STYXL1: variants seen among roughly 807,000 people sequenced by gnomAD.
The protein encoded by STYXL1 is serine/threonine/tyrosine-interacting-like protein 1.
Under a neutral mutation model 36.4 loss-of-function variants are expected in STYXL1, and 32 were observed. The ratio of observed to expected loss-of-function variants is 0.88; its 90% CI spans 0.66 to 1.18. The LOEUF is 1.18. Ranked by LOEUF, STYXL1 falls within the 50% of genes most tolerant of loss-of-function variation. The probability of loss-of-function intolerance (pLI) is 0.00; values close to 1 mark genes in which losing one functional copy is unlikely to be tolerated. For missense variants in STYXL1, 354 were observed against 394.1 expected (o/e 0.90, Z 0.86); for synonymous variants, 133 against 144.1 (o/e 0.92, Z 0.55).
intron 1 of STYXL1, among the ~76,000 whole-genome samples, chr7:76,039,351 C>T (rs1225519806): frequency 6.6e-6 from 1 of 151,934 alleles, no homozygotes; most frequent in Non-Finnish European, 1.5e-5. Flanking sequence ...GGTGGGATTA[C>T]AGGCGTGAGC....
intron 6 of STYXL1, among the ~76,000 whole-genome samples, chr7:76,004,874 G>T (rs560206288): frequency 6.7e-6 from 1 of 149,106 alleles, no homozygotes; most frequent in Non-Finnish European, 1.5e-5. Context: ...GGTGGCGGGC[G>T]CCTGTAGTCC....
At chr7:76,011,051 C>CA (rs1792495537) in intron 5 of STYXL1, among the ~76,000 whole-genome samples, 1 of 152,002 alleles carries the variant, frequency 6.6e-6, no homozygotes, top group Admixed American at 6.6e-5. Flanking sequence ...CCTGTATCTG[C>CA]AAAAAATTTT....
intron 1 of STYXL1, among the ~76,000 whole-genome samples, chr7:76,046,325 TGTGTGTGTGTGTGTGC>T (rs1465176372): frequency 0.013 from 242 of 18,670 alleles, 1 homozygote; most frequent in Admixed American, 0.026. Context: ...TGTGTGTGTG[TGTGTGTGTGTGTGTGC>T]GCGCGCGCGC....
At chr7:76,001,926 C>T (rs1790992626) in intron 7 of STYXL1, among the ~76,000 whole-genome samples, 1 of 151,022 alleles carries the variant, frequency 6.6e-6, no homozygotes. Context: ...AGGTAAGAAC[C>T]ACTGTGCCCA....
chr7:76,041,528 G>A (rs1440445082), intron 1 of STYXL1, among the ~76,000 whole-genome samples: 3 of 152,142 alleles, frequency 2.0e-5, no homozygotes, highest in Non-Finnish European at 4.4e-5. Flanking sequence ...GTTCTTGAGA[G>A]CAGGTTGTTA....
chr7:76,043,348 C>T (rs1312755764), intron 1 of STYXL1, among the ~76,000 whole-genome samples: 1 of 151,812 alleles, frequency 6.6e-6, no homozygotes, highest in South Asian at 2.1e-4. Context: ...CCATGTTGGG[C>T]AGGCTGGTCT....
chr7:76,005,866 G>GCC (rs1791641892), intron 5 of STYXL1, among the ~76,000 whole-genome samples: 1 of 113,980 alleles, frequency 8.8e-6, no homozygotes, highest in East Asian at 2.3e-4. Context: ...GAGAGAGGAG[G>GCC]AAGAGAGAGG....
intron 1 of STYXL1, among the ~76,000 whole-genome samples, chr7:76,037,708 A>C (rs1370367365): frequency 6.7e-6 from 1 of 149,662 alleles, no homozygotes; most frequent in Non-Finnish European, 1.5e-5. Flanking sequence ...CTAACCCCCA[A>C]GACAGTCCAG....
chr7:76,005,288 A>C lies in STYXL1; in HGVS notation c.570T>G (p.His190Gln). The C allele has an allele frequency of 1.9e-6, 3 of 1,610,606 alleles. No homozygotes were observed. The South Asian group carries it at 3.3e-5, about 18-fold the overall frequency. Residue 190 changes from histidine to glutamine, a missense_variant, in exon 6 of 9, where the codon CAT (histidine) becomes CAG (glutamine). His to Gln is a conservative substitution (Grantham distance 24, BLOSUM62 0). Coordinates refer to ENST00000359697, the MANE Select transcript of STYXL1 (RefSeq NM_001317785.2). Reference protein sequence around the residue: ...KIQKDLKIKAHVNVSMDTGPF... With the variant: ...KIQKDLKIKAQVNVSMDTGPF... ...GCCCTGTATCCATGGAGACATTGAC[A>C]TGGGCTTTGATTTTCAAGTCCTTCT...
intron 1 of STYXL1, among the ~76,000 whole-genome samples, chr7:76,034,692 T>C (rs1554580344): frequency 1.3e-5 from 2 of 152,224 alleles, no homozygotes; most frequent in South Asian, 2.1e-4. Context: ...TGCACTGCTA[T>C]GTTGAGTGGC....
chr7:76,004,845 CA>C (rs1428541418), intron 6 of STYXL1, among the ~76,000 whole-genome samples: 1 of 151,186 alleles, frequency 6.6e-6, no homozygotes, highest in Admixed American at 6.6e-5. Flanking sequence ...ACTAAAAATA[CA>C]AAAAACTAGC....
chr7:75,998,383 C>T (rs888441974), intron 8 of STYXL1, among the ~76,000 whole-genome samples: 2 of 152,092 alleles, frequency 1.3e-5, no homozygotes, highest in South Asian at 2.1e-4. Flanking sequence ...CTGCAACCTC[C>T]GCCTCCTGGG....
In STYXL1 at chr7:76,046,319, TGTGTGTGTGTGTGTGTGTGTGCGC is replaced by T. The variant is rs1484983920; in HGVS notation, c.-5+1319_-5+1342del. On this transcript the variant is annotated intron_variant, in intron 1 of 8. Transcript: ENST00000359697. ...GTGTGTGTGTGTGTGTGTGTGTGTGTGTGTGTGTGTGTGTGTGTGTGCGCGCGCGCGCGCGCGCGCTTTTGAGCC... is the reference window on the plus strand; with the variant it reads ...GTGTGTGTGTGTGTGTGTGTGTGTGTGCGCGCGCGCGCGCGCTTTTGAGCC... Among the ~76,000 whole-genome samples, 267 of 37,848 alleles carry T rather than the reference TGTGTGTGTGTGTGTGTGTGTGCGC, an allele frequency of 7.1e-3. 7 individuals carry two copies. Among genetic ancestry groups the T allele is most frequent in the Middle Eastern group, 0.029 (1 of 34 alleles). 24.8% of individuals were successfully genotyped at this position (37,848 alleles called of 152,430 possible).
At chr7:76,017,614 G>A (rs569260992) in intron 4 of STYXL1, among the ~76,000 whole-genome samples, 366 of 151,840 alleles carry the variant, frequency 2.4e-3, no homozygotes, top group African/African-American at 8.1e-3. Context: ...GGCCAGGCGC[G>A]ATGGCTCACA....
intron 1 of STYXL1, among the ~76,000 whole-genome samples, chr7:76,033,696 A>G (rs1795631081): frequency 6.6e-6 from 1 of 152,126 alleles, no homozygotes. Context: ...CAGCCTCCAC[A>G]TGGGTCCTTC....
chr7:76,027,066 AG>A (rs1471732058), intron 3 of STYXL1, among the ~76,000 whole-genome samples: 2 of 151,718 alleles, frequency 1.3e-5, no homozygotes, highest in African/African-American at 4.9e-5. Flanking sequence ...CTGTCTCAAA[AG>A]AAAAAAAAAA....
chr7:76,036,380 C>T lies in STYXL1; in HGVS notation c.-4-5853G>A, dbSNP rs150048901. 4.9e-4 allele frequency among the ~76,000 whole-genome samples: 73 copies of T among 150,256 alleles called. 2 individuals carry two copies. The highest frequency in any genetic ancestry group is 1.6e-3 in the African/African-American group (66 of 41,208). On this transcript the variant is annotated intron_variant, in intron 1 of 8. Coordinates refer to ENST00000359697, the MANE Select transcript of STYXL1 (RefSeq NM_001317785.2). ...CCTCCCAAAGTGCTGGGATTACAGG[C>T]GTGAGCCACCACGCCTGGTCCCTGG...
chr7:76,021,710 G>C lies in STYXL1; in HGVS notation c.307+141C>G, dbSNP rs79563224. The C allele has an allele frequency of 5.6e-3, 3,869 of 696,506 alleles. 114 individuals carry two copies. In the African/African-American group the frequency reaches 0.058, roughly 10 times the overall value. 43.1% of individuals were successfully genotyped at this position (696,506 alleles called of 1,614,324 possible). On this transcript the variant is annotated intron_variant, in intron 4 of 8. Transcript: ENST00000359697. Reference sequence around the variant, plus strand: ...TTGCTCGGTATCCAGTGATCATGAAGCTCTTTTTCTGACGCAAACCCTGCT... The same window carrying C: ...TTGCTCGGTATCCAGTGATCATGAACCTCTTTTTCTGACGCAAACCCTGCT...
chr7:76,034,646 G>A (rs572047284), intron 1 of STYXL1, among the ~76,000 whole-genome samples: 13 of 152,270 alleles, frequency 8.5e-5, no homozygotes, highest in East Asian at 1.9e-4. Flanking sequence ...ACTGACGTCC[G>A]GGGCCAGGTA....
Sources: gnomAD v4.1 joint callset for allele counts (sites outside exome capture counted in the v4.1 genomes callset) on GRCh38, gnomAD v4.1.1 for gene constraint, MANE v1.5 for transcripts, NCBI Gene and HGNC (gene_info 2026-07-23, HGNC 2026-07-21) for gene names.